The following PIP5K1B variants were observed in gnomAD, a reference collection of about 807,000 sequenced individuals.
PIP5K1B encodes the protein phosphatidylinositol 4-phosphate 5-kinase type-1 beta.
Under a neutral mutation model 67.0 loss-of-function variants are expected in PIP5K1B, and 42 were observed. That is an observed-to-expected ratio of 0.63 (90% CI 0.49 to 0.81). The LOEUF is 0.81. Ranked by LOEUF, PIP5K1B falls within the 30% of genes least tolerant of loss-of-function variation. The pLI, the probability that PIP5K1B is intolerant of heterozygous loss-of-function variation, is 0.00. For synonymous variants in PIP5K1B, 214 were observed against 231.4 expected, an observed-to-expected ratio of 0.92 and a Z score of 0.68; for missense variants, 459 against 646.3, an observed-to-expected ratio of 0.71 and a Z score of 3.14.
intron 14 of PIP5K1B, among the ~76,000 whole-genome samples, chr9:68,949,870 C>T (rs960824281): frequency 2.6e-4 from 39 of 152,184 alleles, no homozygotes; most frequent in Non-Finnish European, 1.5e-4. Context: ...CAGAGCTCGG[C>T]GTTTGCCTTA....
chr9:68,895,000 C>A (rs780925974), intron 8 of PIP5K1B, among the ~76,000 whole-genome samples: 4 of 151,818 alleles, frequency 2.6e-5, no homozygotes, highest in Non-Finnish European at 5.9e-5. Context: ...TAAGAAAAGC[C>A]GTATAGAAAT....
intron 14 of PIP5K1B, among the ~76,000 whole-genome samples, chr9:68,952,891 G>T (rs778776088): frequency 6.8e-6 from 1 of 147,928 alleles, no homozygotes; most frequent in Non-Finnish European, 1.5e-5. Flanking sequence ...TATTATTATT[G>T]CAGAAACCTG....
At chr9:68,841,294 A>T (rs1821906981) in intron 4 of PIP5K1B, among the ~76,000 whole-genome samples, 1 of 152,212 alleles carries the variant, frequency 6.6e-6, no homozygotes, top group Non-Finnish European at 1.5e-5. Context: ...GAATTTTCAA[A>T]ATCAAATTTT....
chr9:68,724,368 A>G (rs1159727545), intron 1 of PIP5K1B, among the ~76,000 whole-genome samples: 1 of 149,958 alleles, frequency 6.7e-6, no homozygotes, highest in African/African-American at 2.5e-5. Flanking sequence ...TTCTTTAGCT[A>G]TTTTCAGTCT....
chr9:68,886,313 A>G (rs1587616805), intron 6 of PIP5K1B, among the ~76,000 whole-genome samples: 1 of 152,198 alleles, frequency 6.6e-6, no homozygotes, highest in East Asian at 1.9e-4. Flanking sequence ...TCAATTATGT[A>G]GCTTATTAAT....
chr9:68,977,240 G>A (rs1587749084), intron 14 of PIP5K1B, among the ~76,000 whole-genome samples: 1 of 152,210 alleles, frequency 6.6e-6, no homozygotes, highest in Non-Finnish European at 1.5e-5. Flanking sequence ...TACTTTGATG[G>A]GCCTAGCATG....
chr9:68,984,214 C>A (rs1006081760), intron 14 of PIP5K1B, among the ~76,000 whole-genome samples: 4 of 152,222 alleles, frequency 2.6e-5, no homozygotes, highest in African/African-American at 9.6e-5. Flanking sequence ...GTATCACATA[C>A]AACTAAGTCC....
intron 1 of PIP5K1B, chr9:68,708,160 A>G (rs1016025550): frequency 6.6e-6 from 1 of 152,126 alleles, no homozygotes; most frequent in Non-Finnish European, 1.5e-5. Flanking sequence ...TTACTGTTTG[A>G]CTTGAAAATA....
Position 69,003,629 on chromosome 9 carries a change from A to C in PIP5K1B, c.1621-4818A>C, listed in dbSNP as rs147504904. Among the ~76,000 whole-genome samples the C allele has an allele frequency of 1.3e-3, 193 of 152,212 alleles. No homozygotes were observed. The Middle Eastern group carries it at 0.014, about 11-fold the overall frequency. ...AAAACTCCCTCACACCACATCCCAG[A>C]TGTTCAGAAATTCTCGATATGTTTG... On this transcript the variant is annotated intron_variant, in intron 15 of 15. Coordinates refer to ENST00000265382, the MANE Select transcript of PIP5K1B (RefSeq NM_003558.4).
At chr9:68,914,562 A>G (rs1294535154) in intron 8 of PIP5K1B, among the ~76,000 whole-genome samples, 2 of 152,044 alleles carry the variant, frequency 1.3e-5, no homozygotes, top group African/African-American at 4.8e-5. Flanking sequence ...AAAAATACAA[A>G]AAATTAGCAA....
In PIP5K1B at chr9:68,991,248, C is replaced by A. The variant is rs190587386; in HGVS notation, c.1611C>A (p.Asp537Glu). The change falls in exon 15 of 16, where the codon GAC (aspartate) becomes GAA (glutamate). Residue 537 changes from aspartate (D) to glutamate (E), a missense_variant. Physicochemically the swap from Asp to Glu is conservative, Grantham distance 45 (BLOSUM62 2). This residue lies in a region of PIP5K1B where 169 missense variants were observed against 171.9 expected (regional missense o/e 0.98). Transcript: ENST00000265382. ...EVQDDNASVLDVYL is the reference protein window; with the variant it reads ...EVQDDNASVLEVYL Reference sequence around the variant, plus strand: ...AGGATGACAATGCTTCTGTGCTTGACGTCTATTTAGTAAGTAATTTTTTAG... The same window carrying A: ...AGGATGACAATGCTTCTGTGCTTGAAGTCTATTTAGTAAGTAATTTTTTAG... The A allele has an allele frequency of 1.3e-6, 2 of 1,583,460 alleles. 1 individual carries two copies. The highest frequency in any genetic ancestry group is 2.2e-5 in the South Asian group (2 of 90,494).
chr9:68,850,282 G>C (rs1034747536), intron 4 of PIP5K1B, among the ~76,000 whole-genome samples: 3 of 152,198 alleles, frequency 2.0e-5, no homozygotes, highest in African/African-American at 7.2e-5. Flanking sequence ...ATAGTAATGT[G>C]ATGATACCTA....
intron 4 of PIP5K1B, among the ~76,000 whole-genome samples, chr9:68,828,859 C>T (rs1004785634): frequency 3.3e-5 from 5 of 151,840 alleles, no homozygotes; most frequent in African/African-American, 9.7e-5. Flanking sequence ...CCCAGCACTT[C>T]GGGAGGCCGA....
In PIP5K1B at chr9:68,934,998, G is replaced by A. The variant is rs564195254; in HGVS notation, c.1310G>A (p.Arg437Gln). 1.7e-5 allele frequency: 28 copies of A among 1,613,740 alleles called. No individual in the cohort carries two copies. The East Asian group carries it at 2.2e-4, about 13-fold the overall frequency. The change falls in exon 13 of 16, where the codon CGG (arginine) becomes CAG (glutamine). Residue 437 changes from arginine (R) to glutamine (Q), a missense_variant. Arg to Gln is a conservative substitution (Grantham distance 43, BLOSUM62 1). Transcript: ENST00000265382. ...SISQEWKDEKRDLLTEGQSFS... is the reference protein window; with the variant it reads ...SISQEWKDEKQDLLTEGQSFS... ...AGCCAGGAATGGAAGGATGAGAAGC[G>A]GGATTTGCTGACTGAAGGACAAAGT...
At chr9:68,972,706 T>C (rs554523970) in intron 14 of PIP5K1B, among the ~76,000 whole-genome samples, 44 of 152,346 alleles carry the variant, frequency 2.9e-4, no homozygotes, top group African/African-American at 1.0e-3. Context: ...TGGGTTTTTT[T>C]CCTAAATGCT....
intron 2 of PIP5K1B, among the ~76,000 whole-genome samples, chr9:68,768,680 T>G (rs1369147084): frequency 6.6e-6 from 1 of 152,210 alleles, no homozygotes; most frequent in Non-Finnish European, 1.5e-5. Flanking sequence ...TTTTTAAAAA[T>G]CTAGATTTTT....
intron 14 of PIP5K1B, among the ~76,000 whole-genome samples, chr9:68,973,416 A>G (rs543372732): frequency 6.6e-6 from 1 of 152,366 alleles, no homozygotes; most frequent in African/African-American, 2.4e-5. Flanking sequence ...GATAGACATT[A>G]TCCAAAATAA....
chr9:68,896,582 G>T (rs1201589752), intron 8 of PIP5K1B, among the ~76,000 whole-genome samples: 1 of 152,210 alleles, frequency 6.6e-6, no homozygotes, highest in Non-Finnish European at 1.5e-5. Flanking sequence ...CACTGCATTT[G>T]CAGTTGTACA....
At chr9:68,804,588 ATT>A (rs66469506) in intron 2 of PIP5K1B, among the ~76,000 whole-genome samples, 10,364 of 125,574 alleles carry the variant, frequency 0.083, 369 homozygotes, top group Non-Finnish European at 0.11. Context: ...CTAGTTTTCA[ATT>A]TTTTTTTTTT....
Sources: gnomAD v4.1 joint callset for allele counts (sites outside exome capture counted in the v4.1 genomes callset) on GRCh38, gnomAD v4.1.1 for gene constraint, gnomAD v4.1.1 regional missense constraint, MANE v1.5 for transcripts, NCBI Gene and HGNC (gene_info 2026-07-23, HGNC 2026-07-21) for gene names.